The following RERG variants were observed in gnomAD, a reference collection of about 807,000 sequenced individuals.
RERG encodes ras-related and estrogen-regulated growth inhibitor.
A neutral mutation model predicts 23.2 loss-of-function variants in RERG; 25 were observed. That is an observed-to-expected ratio of 1.08 (90% CI 0.79 to 1.50). RERG has a LOEUF of 1.50. Ranked by LOEUF, RERG falls within the 40% of genes most tolerant of loss-of-function variation. The pLI, the probability that RERG is intolerant of heterozygous loss-of-function variation, is 0.00. For synonymous variants in RERG, 81 were observed against 89.1 expected (o/e 0.91, Z 0.51); for missense variants, 253 against 250.1 (o/e 1.01, Z -0.08).
chr12:15,201,572 A>G (rs1405933930), intron 2 of RERG, among the ~76,000 whole-genome samples: 2 of 149,190 alleles, frequency 1.3e-5, no homozygotes, highest in African/African-American at 2.4e-5. Context: ...AATAATAATA[A>G]TTAGCTAATA....
intron 1 of RERG, among the ~76,000 whole-genome samples, chr12:15,218,962 C>G (rs1865480719): frequency 6.6e-6 from 1 of 152,032 alleles, no homozygotes; most frequent in African/African-American, 2.4e-5. Context: ...TTTTCACTAT[C>G]GTTAATCTGC....
In RERG at chr12:15,172,025, A is replaced by G. The variant is rs532163124; in HGVS notation, c.61+45404T>C. 1.6e-3 allele frequency among the ~76,000 whole-genome samples: 240 copies of G among 152,300 alleles called. 1 individual carries two copies. Among genetic ancestry groups the G allele is most frequent in the African/African-American group, 5.7e-3 (237 of 41,580 alleles). Reference sequence around the variant, plus strand: ...CAAAACTCAGCCATTTAAGTGTACAATTCAATGGTTTTAGTAAATTTGCAG... The same window carrying G: ...CAAAACTCAGCCATTTAAGTGTACAGTTCAATGGTTTTAGTAAATTTGCAG... On this transcript the variant is annotated intron_variant, in intron 2 of 4. Coordinates refer to ENST00000256953, the MANE Select transcript of RERG (RefSeq NM_032918.3).
chr12:15,129,472 C>T (rs1486815220), intron 2 of RERG, among the ~76,000 whole-genome samples: 1 of 152,174 alleles, frequency 6.6e-6, no homozygotes, highest in Non-Finnish European at 1.5e-5. Flanking sequence ...ACACATGTGA[C>T]TTTCACACAC....
chr12:15,217,357 C>A, intron 2 of RERG, 72 bp downstream of exon 2: 2 of 1,019,206 alleles, frequency 2.0e-6, no homozygotes, highest in Non-Finnish European at 1.6e-6. Flanking sequence ...CCTGCCCAAT[C>A]CCAAGAAACA....
intron 2 of RERG, among the ~76,000 whole-genome samples, chr12:15,207,520 T>C (rs7973089): frequency 0.34 from 51,968 of 151,976 alleles, 9,155 homozygotes; most frequent in African/African-American, 0.43. Flanking sequence ...TGTTGTCTCT[T>C]ATCCTGAAAC....
At chr12:15,122,530 G>A (rs1863850822) in intron 2 of RERG, among the ~76,000 whole-genome samples, 1 of 152,118 alleles carries the variant, frequency 6.6e-6, no homozygotes, top group Non-Finnish European at 1.5e-5. Context: ...GGCTGAATTC[G>A]AGCCAAAATA....
chr12:15,214,737 C>T (rs533085132), intron 2 of RERG, among the ~76,000 whole-genome samples: 1 of 152,272 alleles, frequency 6.6e-6, no homozygotes, highest in South Asian at 2.1e-4. Flanking sequence ...GTCCTAGTTA[C>T]TGGGGAGATC....
At chr12:15,151,994 A>G (rs1864450653) in intron 2 of RERG, 1 of 152,230 alleles carries the variant, frequency 6.6e-6, no homozygotes, top group African/African-American at 2.4e-5. Flanking sequence ...TCTTGCCTAC[A>G]GTTCGGAGAT....
At chr12:15,204,226 G>A (rs1357868966) in intron 2 of RERG, among the ~76,000 whole-genome samples, 1 of 151,732 alleles carries the variant, frequency 6.6e-6, no homozygotes, top group Non-Finnish European at 1.5e-5. Flanking sequence ...CAGGCACATA[G>A]ACCAACAGAA....
chr12:15,184,461 A>C (rs1864963967), intron 2 of RERG, among the ~76,000 whole-genome samples: 1 of 152,096 alleles, frequency 6.6e-6, no homozygotes, highest in African/African-American at 2.4e-5. Context: ...ATGAGTGAAA[A>C]ATTTTCTAGA....
intron 2 of RERG, among the ~76,000 whole-genome samples, chr12:15,127,922 C>A (rs190307994): frequency 9.7e-4 from 148 of 152,240 alleles, no homozygotes; most frequent in Admixed American, 2.6e-3. Context: ...TTAATGTTCC[C>A]ACTATACAGA....
At chr12:15,219,912 GA>G (rs978404657) in intron 1 of RERG, among the ~76,000 whole-genome samples, 3 of 152,158 alleles carry the variant, frequency 2.0e-5, no homozygotes, top group African/African-American at 7.2e-5. Context: ...ATAAGAAAGA[GA>G]AATTGTGTGG....
intron 2 of RERG, among the ~76,000 whole-genome samples, chr12:15,211,126 T>G (rs1279072907): frequency 1.3e-5 from 2 of 152,162 alleles, no homozygotes; most frequent in African/African-American, 4.8e-5. Flanking sequence ...TCTGCCCCTC[T>G]TCTTACCTTG....
At chr12:15,159,199 G>C (rs892247586) in intron 2 of RERG, among the ~76,000 whole-genome samples, 2 of 151,894 alleles carry the variant, frequency 1.3e-5, no homozygotes, top group Non-Finnish European at 2.9e-5. Context: ...TTGTTCAATG[G>C]ATTGTAATCC....
At chr12:15,139,258 G>C (rs1864195921) in intron 2 of RERG, among the ~76,000 whole-genome samples, 1 of 151,982 alleles carries the variant, frequency 6.6e-6, no homozygotes, top group African/African-American at 2.4e-5. Context: ...GGTAGTGTTA[G>C]TGATGGAACT....
chr12:15,203,310 CT>C (rs1297680569), intron 2 of RERG, among the ~76,000 whole-genome samples: 1 of 151,516 alleles, frequency 6.6e-6, no homozygotes, highest in Non-Finnish European at 1.5e-5. Context: ...GCTGAAGAAG[CT>C]TTTGAGTTTG....
Position 15,200,291 on chromosome 12 carries a change from T to C in RERG, c.61+17138A>G, listed in dbSNP as rs1253038745. The stretch of plus-strand genomic sequence containing the variant: ...AACAAAACTTCCTTTCTAATGAACC[T>C]GAAAAAATGACCTGAGAAAACTGTA... On this transcript the variant is annotated intron_variant, in intron 2 of 4. Coordinates refer to ENST00000256953, the MANE Select transcript of RERG (RefSeq NM_032918.3). 2.0e-5 allele frequency among the ~76,000 whole-genome samples: 3 copies of C among 152,048 alleles called. No homozygotes were observed. The East Asian group carries it at 5.8e-4, about 29-fold the overall frequency.
intron 2 of RERG, among the ~76,000 whole-genome samples, chr12:15,198,615 ACAAT>A (rs1284325095): frequency 1.3e-5 from 2 of 152,174 alleles, no homozygotes; most frequent in African/African-American, 4.8e-5. Context: ...GTGGCCTACA[ACAAT>A]CAAATTTACT....
At chr12:15,153,951 C>T (rs986891166) in intron 2 of RERG, among the ~76,000 whole-genome samples, 9 of 152,230 alleles carry the variant, frequency 5.9e-5, no homozygotes, top group African/African-American at 2.2e-4. Context: ...CAGAGACAGA[C>T]ACACACAGAG....
Sources: gnomAD v4.1 joint callset for allele counts (sites outside exome capture counted in the v4.1 genomes callset) on GRCh38, gnomAD v4.1.1 for gene constraint, MANE v1.5 for transcripts, NCBI Gene and HGNC (gene_info 2026-07-23, HGNC 2026-07-21) for gene names.